CCDC80: variants seen among roughly 807,000 people sequenced by gnomAD.
The protein encoded by CCDC80 is coiled-coil domain-containing protein 80.
CCDC80 carries 49 observed loss-of-function variants against 78.7 expected under a neutral mutation model. The observed-to-expected ratio is 0.62, with a 90% CI of 0.50 to 0.79. CCDC80 has a LOEUF of 0.79. CCDC80 is among the 30% of genes least tolerant of loss of function. The pLI, the probability that CCDC80 is intolerant of heterozygous loss-of-function variation, is 0.00. For missense variants in CCDC80, 1,205 were observed against 1,198.6 expected (o/e 1.01, Z -0.08); for synonymous variants, 488 against 447.0 (o/e 1.09, Z -1.16).
intron 3 of CCDC80, among the ~76,000 whole-genome samples, 196 bp downstream of exon 3, chr3:112,629,917 A>G (rs1205208591): frequency 6.6e-6 from 1 of 152,138 alleles, no homozygotes; most frequent in African/African-American, 2.4e-5. Context: ...TCTTTTTTAC[A>G]GTGCTTAAAA....
rs1246784539 is a variant in CCDC80 at position 112,603,815 on chromosome 3, C to T, written c.*1602G>A. 6.6e-6 allele frequency: 1 copy of T among 152,018 alleles called. No homozygotes were observed. The highest frequency in any genetic ancestry group is 2.4e-5 in the African/African-American group (1 of 41,390). 9.4% of individuals were successfully genotyped at this position (152,018 alleles called of 1,614,324 possible). ...GATCTGGGCAAAGCAAATTAAAAAC[C>T]TGGAAAGGATTCACCATTCTAGATG... On this transcript the variant is annotated 3_prime_UTR_variant, in exon 8 of 8. Transcript: ENST00000206423.
At chr3:112,630,664 A>C (rs1402005119) in intron 2 of CCDC80, among the ~76,000 whole-genome samples, 3 of 152,178 alleles carry the variant, frequency 2.0e-5, no homozygotes, top group Non-Finnish European at 2.9e-5. Context: ...TCACTGGCTG[A>C]TTAGATATTG....
intron 5 of CCDC80, among the ~76,000 whole-genome samples, chr3:112,613,644 G>A (rs1935676625): frequency 1.3e-5 from 2 of 152,088 alleles, no homozygotes; most frequent in Non-Finnish European, 2.9e-5. Flanking sequence ...ACCTAGGGAT[G>A]GTGAGAAGAA....
chr3:112,632,147 T>G (rs1405718873), intron 2 of CCDC80, among the ~76,000 whole-genome samples: 1 of 152,214 alleles, frequency 6.6e-6, no homozygotes, highest in Non-Finnish European at 1.5e-5. Context: ...ATTAGCTTTA[T>G]GGCATCTGAA....
At position 112,638,539 on chromosome 3, in the gene CCDC80, C is replaced by T. The variant is rs750164014; in HGVS notation, c.1367G>A (p.Arg456Lys). ...CCGGAAACGGCCTGGGCCAGCAGCC[C>T]TTGTGCTGGGTTCTGAGATGGTGGT... The part of the protein sequence containing the change: ...PPTTISEPST[R>K]AAGPGRFRDN... Residue 456 changes from arginine to lysine, a missense_variant, in exon 2 of 8, where the codon AGG becomes AAG. By Grantham distance (26) the Arg-to-Lys change is conservative (BLOSUM62 2). Transcript: ENST00000206423. 1.9e-6 allele frequency: 3 copies of T among 1,614,084 alleles called. No individual in the cohort carries two copies. The highest frequency in any genetic ancestry group is 3.3e-5 in the Admixed American group (2 of 60,014).
rs780579751 is a variant in CCDC80 at position 112,638,802 on chromosome 3, C to A, written c.1104G>T (p.Ala368=). The A allele has an allele frequency of 2.5e-6, 4 of 1,613,718 alleles. No individual in the cohort carries two copies. The highest frequency in any genetic ancestry group is 2.2e-5 in the South Asian group (2 of 91,054). The change falls in exon 2 of 8, where the codon GCG becomes GCT. Residue 368 remains alanine, a synonymous_variant. Coordinates refer to ENST00000206423, the MANE Select transcript of CCDC80 (RefSeq NM_199511.3). ...ATTVTRSTSR[A]VTVAARPMTT... Reference sequence around the variant, plus strand: ...TCATAGGTCTTGCAGCAACTGTTACCGCCCGGGACGTGGACCGAGTCACTG... The same window carrying A: ...TCATAGGTCTTGCAGCAACTGTTACAGCCCGGGACGTGGACCGAGTCACTG...
At position 112,638,629 on chromosome 3, in the gene CCDC80, C is replaced by T. The variant is rs746184884; in HGVS notation, c.1277G>A (p.Arg426Lys). Residue 426 changes from arginine to lysine, a missense_variant, in exon 2 of 8, where the codon AGG becomes AAG. Arg to Lys is a conservative substitution (Grantham distance 26). Transcript: ENST00000206423. ...GCTGGGCCTCCTGGTTGTCTGTGGCCTCTCCCTGTGCTGATCCTTCCGGGA... is the reference window on the plus strand; with the variant it reads ...GCTGGGCCTCCTGGTTGTCTGTGGCTTCTCCCTGTGCTGATCCTTCCGGGA... ...PPSRKDQHRE[R>K]PQTTRRPSKA... The T allele has an allele frequency of 3.1e-6, 5 of 1,613,808 alleles. No individual in the cohort carries two copies. The highest frequency in any genetic ancestry group is 2.2e-5 in the South Asian group (2 of 91,060).
At chr3:112,623,978 GT>G (rs1353983355) in intron 3 of CCDC80, among the ~76,000 whole-genome samples, 1 of 152,172 alleles carries the variant, frequency 6.6e-6, no homozygotes, top group East Asian at 1.9e-4. Context: ...TAGAGACTGA[GT>G]TTTGGTCACC....
chr3:112,638,039 G>A lies in CCDC80; in HGVS notation c.1867C>T (p.Arg623Ter). The A allele has an allele frequency of 2.5e-6, 4 of 1,601,338 alleles. No individual in the cohort carries two copies. The highest frequency in any genetic ancestry group is 1.4e-5 in the African/African-American group (1 of 73,958). Residue 623 changes from arginine to a stop codon, truncating the protein, a stop_gained, in exon 2 of 8, where the codon CGA becomes TGA. Transcript: ENST00000206423. LOFTEE classifies it high-confidence loss of function. ...AGAAGGCTACTTACAAGGAGTCTTC[G>A]TTTGCCTTCAAAGGACCCCAGCAGG... ...ADLLGSFEGK[R>*]RLLLITAPKA...
chr3:112,601,723 A>T lies in CCDC80; in HGVS notation c.*3694T>A, dbSNP rs1935380533. ...AGAAAAAAAAGAAGCAGCAGCAACGAAAGGAGGGAGGAAGGGAGAAAGTTT... is the reference window on the plus strand; with the variant it reads ...AGAAAAAAAAGAAGCAGCAGCAACGTAAGGAGGGAGGAAGGGAGAAAGTTT... On this transcript the variant is annotated 3_prime_UTR_variant, in exon 8 of 8. Transcript: ENST00000206423. The T allele has an allele frequency of 2.0e-5, 3 of 151,076 alleles. No homozygotes were observed. In the South Asian group the frequency reaches 6.3e-4, roughly 32 times the overall value. 9.4% of individuals were successfully genotyped at this position (151,076 alleles called of 1,614,324 possible).
Position 112,599,636 on chromosome 3 carries a change from A to G in CCDC80, c.*5781T>C, listed in dbSNP as rs1935340992. The G allele has an allele frequency of 1.3e-5, 2 of 152,420 alleles. No homozygotes were observed. Among genetic ancestry groups the G allele is most frequent in the South Asian group, 4.1e-4 (2 of 4,830 alleles). The allele number at this position is 152,420 out of a possible 1,614,324, so 9.4% of individuals were successfully genotyped here. On this transcript the variant is annotated 3_prime_UTR_variant, in exon 8 of 8. Coordinates refer to ENST00000206423, the MANE Select transcript of CCDC80 (RefSeq NM_199511.3). ...TACTGAGACACATTAAGAAGGGCCC[A>G]CTGAGGCCATCATTCACCCTACTCT...
chr3:112,633,947 T>G (rs886068197), intron 2 of CCDC80, among the ~76,000 whole-genome samples: 2 of 152,220 alleles, frequency 1.3e-5, no homozygotes, highest in African/African-American at 4.8e-5. Context: ...GCATGTATCA[T>G]GAATTTAGAC....
rs1935386024 is a variant in CCDC80, at chr3:112,602,184, T to C, written c.*3233A>G. On this transcript the variant is annotated 3_prime_UTR_variant, in exon 8 of 8. Transcript: ENST00000206423. ...TCTTTGATGTTGCTATTATAATTACTGGGGGCACCATGAACCACACTTATA... is the reference window on the plus strand; with the variant it reads ...TCTTTGATGTTGCTATTATAATTACCGGGGGCACCATGAACCACACTTATA... The C allele has an allele frequency of 6.6e-6, 1 of 152,240 alleles. No individual in the cohort carries two copies. Among genetic ancestry groups the C allele is most frequent in the Admixed American group, 6.5e-5 (1 of 15,286 alleles). 9.4% of individuals were successfully genotyped at this position (152,240 alleles called of 1,614,324 possible).
chr3:112,635,664 A>G (rs1936193128), intron 2 of CCDC80, among the ~76,000 whole-genome samples: 2 of 152,240 alleles, frequency 1.3e-5, no homozygotes, highest in Non-Finnish European at 1.5e-5. Context: ...AGTTGGGCGC[A>G]CATAGGATCA....
chr3:112,638,039 G>C lies in CCDC80; in HGVS notation c.1867C>G (p.Arg623Gly). The C allele has an allele frequency of 1.2e-6, 2 of 1,601,338 alleles. No homozygotes were observed. The stretch of plus-strand genomic sequence containing the variant: ...AGAAGGCTACTTACAAGGAGTCTTC[G>C]TTTGCCTTCAAAGGACCCCAGCAGG... ...ADLLGSFEGKRRLLLITAPKA... is the reference protein window; with the variant it reads ...ADLLGSFEGKGRLLLITAPKA... Residue 623 changes from arginine (R) to glycine (G), a missense_variant, in exon 2 of 8, where the codon CGA becomes GGA. Physicochemically the swap from Arg to Gly is moderately radical, Grantham distance 125. Coordinates refer to ENST00000206423, the MANE Select transcript of CCDC80 (RefSeq NM_199511.3).
At chr3:112,622,804 C>A (rs1935892742) in intron 3 of CCDC80, among the ~76,000 whole-genome samples, 1 of 150,602 alleles carries the variant, frequency 6.6e-6, no homozygotes, top group Non-Finnish European at 1.5e-5. Context: ...TACAGGCATG[C>A]ACCACCATGC....
chr3:112,627,104 A>G (rs1354115818), intron 3 of CCDC80, among the ~76,000 whole-genome samples: 1 of 152,244 alleles, frequency 6.6e-6, no homozygotes, highest in Non-Finnish European at 1.5e-5. Context: ...ATTGCTAAGA[A>G]AGAAACATGC....
chr3:112,636,647 C>T (rs560476170), intron 2 of CCDC80, among the ~76,000 whole-genome samples: 3 of 152,274 alleles, frequency 2.0e-5, no homozygotes, highest in South Asian at 4.1e-4. Flanking sequence ...GATTATTAAC[C>T]GAAATTTAGG....
At chr3:112,640,056 G>C (rs1221910694) in intron 1 of CCDC80, 140 bp from the exon 2 acceptor site, 1 of 1,409,242 alleles carries the variant, frequency 7.1e-7, no homozygotes, top group South Asian at 1.5e-5. Context: ...GAGAGAAGGA[G>C]GGAGGTCAGG....
Sources: gnomAD v4.1 joint callset for allele counts (sites outside exome capture counted in the v4.1 genomes callset) on GRCh38, gnomAD v4.1.1 for gene constraint, MANE v1.5 for transcripts, NCBI Gene and HGNC (gene_info 2026-07-23, HGNC 2026-07-21) for gene names.